The following SYK variants were observed in gnomAD, a reference collection of about 807,000 sequenced individuals.
The protein encoded by SYK is tyrosine-protein kinase SYK.
In SYK, 16 loss-of-function variants were observed where a neutral mutation model predicts 77.8. The observed-to-expected ratio is 0.21, with a 90% CI of 0.14 to 0.31. The LOEUF (loss-of-function observed/expected upper bound fraction) is 0.31, where lower values mean the gene tolerates loss of function less well. Ranked by LOEUF, SYK falls within the 10% of genes least tolerant of loss-of-function variation. SYK has a pLI of 1.00. For synonymous variants in SYK, 312 were observed against 308.7 expected (o/e 1.01, Z -0.11); for missense variants, 529 against 814.4 (o/e 0.65, Z 4.26).
chr9:90,830,589 T>TTC (rs1825848867), intron 1 of SYK, among the ~76,000 whole-genome samples: 1 of 147,384 alleles, frequency 6.8e-6, no homozygotes, highest in African/African-American at 2.5e-5. Flanking sequence ...CTCTTTTTTT[T>TTC]TTTTTTTTTT....
intron 3 of SYK, among the ~76,000 whole-genome samples, chr9:90,849,776 T>G (rs1826745993): frequency 6.6e-6 from 1 of 152,250 alleles, no homozygotes; most frequent in African/African-American, 2.4e-5. Flanking sequence ...CTTGAGCAAG[T>G]TACTCAGTGG....
intron 3 of SYK, among the ~76,000 whole-genome samples, chr9:90,853,899 GA>G (rs1465562915): frequency 6.6e-6 from 1 of 151,596 alleles, no homozygotes; most frequent in South Asian, 2.1e-4. Context: ...AAATAAAAAA[GA>G]AAAAAAAGAG....
At chr9:90,882,946 C>T (rs561043180) in intron 11 of SYK, among the ~76,000 whole-genome samples, 4 of 152,210 alleles carry the variant, frequency 2.6e-5, no homozygotes, top group East Asian at 3.9e-4. Flanking sequence ...AAGAACCCCT[C>T]GACCCACGTG....
At chr9:90,837,581 G>A (rs1826130460) in intron 1 of SYK, among the ~76,000 whole-genome samples, 1 of 152,008 alleles carries the variant, frequency 6.6e-6, no homozygotes, top group Non-Finnish European at 1.5e-5. Flanking sequence ...CCTGGTCAAG[G>A]AGAGCCTTGT....
chr9:90,848,872 C>G (rs1826703778), intron 3 of SYK, among the ~76,000 whole-genome samples: 1 of 152,338 alleles, frequency 6.6e-6, no homozygotes, highest in Middle Eastern at 3.4e-3. Flanking sequence ...GCTGGGTCTT[C>G]TTTCTGCTGC....
chr9:90,858,856 C>T (rs1360096610), intron 3 of SYK, among the ~76,000 whole-genome samples: 1 of 152,218 alleles, frequency 6.6e-6, no homozygotes, highest in Non-Finnish European at 1.5e-5. Context: ...TCCATGGTCA[C>T]TACCTATACC....
intron 13 of SYK, among the ~76,000 whole-genome samples, chr9:90,890,129 T>G: frequency 6.6e-6 from 1 of 152,214 alleles, no homozygotes; most frequent in East Asian, 1.9e-4. Context: ...GATTCTTCTT[T>G]GTGGTGTGTG....
intron 11 of SYK, among the ~76,000 whole-genome samples, chr9:90,881,802 A>G (rs1462917100): frequency 6.6e-6 from 1 of 152,202 alleles, no homozygotes; most frequent in African/African-American, 2.4e-5. Flanking sequence ...ATCACAACTG[A>G]AAAACACAGG....
At position 90,895,593 on chromosome 9, in the gene SYK, T is replaced by G. The variant is rs1587934653; in HGVS notation, c.1901T>G (p.Val634Gly). ...LRLRNYYYDV[V>G]N Reference sequence around the variant, plus strand: ...CTGCGCAATTACTACTATGACGTGGTGAACTAACCGCTCCCGCACCTGTCG... The same window carrying G: ...CTGCGCAATTACTACTATGACGTGGGGAACTAACCGCTCCCGCACCTGTCG... The change falls in exon 14 of 14, where the codon GTG becomes GGG. Residue 634 changes from valine to glycine, a missense_variant. Transcript: ENST00000375754. The surrounding 1 kb of genome is among the most constrained non-coding windows in gnomAD (Gnocchi z 4.4). The G allele has an allele frequency of 1.2e-6, 2 of 1,614,010 alleles. No individual in the cohort carries two copies. Among genetic ancestry groups the G allele is most frequent in the Non-Finnish European group, 1.7e-6 (2 of 1,179,966 alleles).
chr9:90,879,580 C>T (rs746024992), intron 11 of SYK, among the ~76,000 whole-genome samples: 74 of 152,348 alleles, frequency 4.9e-4, no homozygotes, highest in Admixed American at 9.1e-4. Flanking sequence ...ACCAAATAAA[C>T]TCGTCATCTG....
intron 3 of SYK, among the ~76,000 whole-genome samples, chr9:90,857,881 G>C (rs1827101195): frequency 6.6e-6 from 1 of 152,026 alleles, no homozygotes; most frequent in African/African-American, 2.4e-5. Flanking sequence ...CCAATCCCAG[G>C]CATCTTCCTT....
At chr9:90,877,974 G>A (rs941712473) in intron 10 of SYK, among the ~76,000 whole-genome samples, 194 bp downstream of exon 10, 1 of 152,190 alleles carries the variant, frequency 6.6e-6, no homozygotes, top group African/African-American at 2.4e-5. Flanking sequence ...GTTAGCTCTA[G>A]TTGTTCAGAG....
intron 3 of SYK, among the ~76,000 whole-genome samples, chr9:90,846,893 T>C (rs1826618265): frequency 1.3e-5 from 2 of 152,220 alleles, no homozygotes; most frequent in African/African-American, 4.8e-5. Context: ...TCAGCAATAA[T>C]TTCCAACATG....
At position 90,897,674 on chromosome 9, in the gene SYK, C is replaced by G. The variant is rs111798674; in HGVS notation, c.*2074C>G. ...ATCAGCACTTCTCCCCTCCCAGGAGCCTGGGGATGCCAAACATCCAGAATG... is the reference window on the plus strand; with the variant it reads ...ATCAGCACTTCTCCCCTCCCAGGAGGCTGGGGATGCCAAACATCCAGAATG... On this transcript the variant is annotated 3_prime_UTR_variant, in exon 14 of 14. Coordinates refer to ENST00000375754, the MANE Select transcript of SYK (RefSeq NM_003177.7). The G allele has an allele frequency of 1.0e-4, 23 of 224,412 alleles. 3 individuals carry two copies. Among genetic ancestry groups the G allele is most frequent in the African/African-American group, 4.0e-4 (18 of 44,948 alleles). 13.9% of individuals were successfully genotyped at this position (224,412 alleles called of 1,614,324 possible).
chr9:90,849,596 G>GA (rs1826739614), intron 3 of SYK, among the ~76,000 whole-genome samples: 1 of 152,204 alleles, frequency 6.6e-6, no homozygotes, highest in African/African-American at 2.4e-5. Context: ...CTGATGGACA[G>GA]ATGCAGGGAC....
intron 1 of SYK, among the ~76,000 whole-genome samples, chr9:90,842,180 G>A (rs1826388620): frequency 6.6e-6 from 1 of 151,092 alleles, no homozygotes; most frequent in Non-Finnish European, 1.5e-5. Flanking sequence ...TGTGTGTGTG[G>A]TGTGTATGTA....
chr9:90,869,114 A>G lies in SYK; in HGVS notation c.915+1915A>G, dbSNP rs536313472. 2.6e-4 allele frequency among the ~76,000 whole-genome samples: 40 copies of G among 152,316 alleles called. No homozygotes were observed. The East Asian group carries it at 7.5e-3, about 29-fold the overall frequency. The stretch of plus-strand genomic sequence containing the variant: ...TGCTGGCAATGCTGGTTGCCTCTGG[A>G]GTAAGAGATGGGAATGTTAAGAAAT... On this transcript the variant is annotated intron_variant, in intron 7 of 13. Transcript: ENST00000375754.
intron 1 of SYK, among the ~76,000 whole-genome samples, chr9:90,821,958 A>G (rs1302816099): frequency 5.9e-5 from 9 of 152,150 alleles, no homozygotes; most frequent in Admixed American, 5.2e-4. Context: ...TGCATCAACA[A>G]TAGATATGAA....
intron 1 of SYK, among the ~76,000 whole-genome samples, chr9:90,815,991 C>T (rs1825278815): frequency 6.6e-6 from 1 of 152,190 alleles, no homozygotes; most frequent in South Asian, 2.1e-4. Context: ...GAAAAGAGCA[C>T]TCTGTGTGAT....
Sources: gnomAD v4.1 joint callset for allele counts (sites outside exome capture counted in the v4.1 genomes callset) on GRCh38, gnomAD v4.1.1 for gene constraint, Gnocchi (gnomAD v3.1) non-coding constraint, MANE v1.5 for transcripts, NCBI Gene and HGNC (gene_info 2026-07-23, HGNC 2026-07-21) for gene names.